The following CACHD1 variants were observed in gnomAD, a reference collection of about 807,000 sequenced individuals.
CACHD1 encodes VWFA and cache domain-containing protein 1.
In CACHD1, 71 loss-of-function variants were observed where a neutral mutation model predicts 138.7. The observed-to-expected ratio is 0.51, with a 90% confidence interval of 0.42 to 0.62. CACHD1 has a LOEUF of 0.62. Ranked by LOEUF, CACHD1 falls within the 20% of genes least tolerant of loss-of-function variation. The pLI is 0.00. For missense variants in CACHD1, 1,389 were observed against 1,625.3 expected, an observed-to-expected ratio of 0.85 and a Z score of 2.50; for synonymous variants, 578 against 591.5, an observed-to-expected ratio of 0.98 and a Z score of 0.33.
intron 4 of CACHD1, among the ~76,000 whole-genome samples, chr1:64,613,771 T>C (rs1401134013): frequency 6.6e-6 from 1 of 152,192 alleles, no homozygotes; most frequent in Non-Finnish European, 1.5e-5. Context: ...CCACATATCC[T>C]CTCTTACCAT....
intron 3 of CACHD1, among the ~76,000 whole-genome samples, chr1:64,601,219 G>A (rs1431253388): frequency 6.6e-6 from 1 of 152,196 alleles, no homozygotes; most frequent in East Asian, 1.9e-4. Flanking sequence ...GGCCCACAAA[G>A]CCTAAACTAT....
intron 3 of CACHD1, among the ~76,000 whole-genome samples, chr1:64,597,534 T>G (rs1395404645): frequency 2.7e-5 from 4 of 147,410 alleles, no homozygotes; most frequent in East Asian, 2.0e-4. Context: ...GTTTTTTTTT[T>G]TTTTTTTTTT....
At chr1:64,531,521 G>C (rs1403708836) in intron 1 of CACHD1, among the ~76,000 whole-genome samples, 1 of 151,954 alleles carries the variant, frequency 6.6e-6, no homozygotes, top group African/African-American at 2.4e-5. Flanking sequence ...GTGTGTGTGT[G>C]TGTGTGTGTC....
intron 1 of CACHD1, among the ~76,000 whole-genome samples, chr1:64,522,297 T>G (rs1646503821): frequency 7.7e-6 from 1 of 129,176 alleles, no homozygotes; most frequent in Admixed American, 9.3e-5. Flanking sequence ...TCTTTTCCTC[T>G]CAACCCCCAC....
chr1:64,637,543 C>T (rs1401486023), intron 7 of CACHD1, among the ~76,000 whole-genome samples: 1 of 152,218 alleles, frequency 6.6e-6, no homozygotes, highest in Non-Finnish European at 1.5e-5. Flanking sequence ...CTGCACTGCA[C>T]ATGAGCAGGA....
At position 64,550,590 on chromosome 1, in the gene CACHD1, G is replaced by A. The variant is rs762548622; in HGVS notation, c.199-4G>A. 6.2e-7 allele frequency: 1 copy of A among 1,605,956 alleles called. No individual in the cohort carries two copies. Among genetic ancestry groups the A allele is most frequent in the Non-Finnish European group, 8.5e-7 (1 of 1,173,168 alleles). On this transcript the variant is annotated splice_region_variant and splice_polypyrimidine_tract_variant and intron_variant, in intron 1 of 26. Coordinates refer to ENST00000651257, the MANE Select transcript of CACHD1 (RefSeq NM_020925.4). ...ATCTCATGTTCATTTTCTTTTCATT[G>A]CAGCGGATATTCAACTCCTTTGTTT...
chr1:64,634,847 T>A (rs1282326862), intron 7 of CACHD1, among the ~76,000 whole-genome samples: 2 of 151,422 alleles, frequency 1.3e-5, no homozygotes, highest in African/African-American at 4.9e-5. Flanking sequence ...ACAAAAAAAA[T>A]TAGGCAGGCA....
chr1:64,679,575 T>C lies in CACHD1; in HGVS notation c.3245-20T>C. The C allele has an allele frequency of 6.2e-7, 1 of 1,612,648 alleles. No individual in the cohort carries two copies. Among genetic ancestry groups the C allele is most frequent in the Non-Finnish European group, 8.5e-7 (1 of 1,179,186 alleles). On this transcript the variant is annotated intron_variant, in intron 23 of 26. Transcript: ENST00000651257. The stretch of plus-strand genomic sequence containing the variant: ...TTGGGAAATCTTAACAAGAAACATC[T>C]TCTTGCTCTTTCACTGAAGGTGATG...
intron 1 of CACHD1, among the ~76,000 whole-genome samples, chr1:64,489,140 T>C (rs980686221): frequency 6.6e-6 from 1 of 152,240 alleles, no homozygotes; most frequent in East Asian, 1.9e-4. Flanking sequence ...TTCTTATTTA[T>C]GGCATTTTTA....
chr1:64,550,715 C>T lies in CACHD1; in HGVS notation c.261+59C>T, dbSNP rs191931091. 3.8e-5 allele frequency: 45 copies of T among 1,188,558 alleles called. No individual in the cohort carries two copies. The Middle Eastern group carries it at 5.8e-4, about 15-fold the overall frequency. The allele number at this position is 1,188,558 out of a possible 1,614,324, so 73.6% of individuals were successfully genotyped here. On this transcript the variant is annotated intron_variant, in intron 2 of 26. Transcript: ENST00000651257. ...TTTGTCTTGCTTTTAGATGTGGCTT[C>T]GTCACTCTTTCCAAGCAATCTCCAC...
chr1:64,526,349 C>G (rs1004593694), intron 1 of CACHD1, among the ~76,000 whole-genome samples: 13 of 152,066 alleles, frequency 8.5e-5, no homozygotes, highest in African/African-American at 3.1e-4. Flanking sequence ...AAAAATGATT[C>G]ATGTCTACCC....
chr1:64,686,851 A>G (rs558765009), intron 26 of CACHD1, among the ~76,000 whole-genome samples: 3 of 152,294 alleles, frequency 2.0e-5, no homozygotes, highest in African/African-American at 7.2e-5. Flanking sequence ...CCTGGTCAAA[A>G]AACTTTGTAG....
chr1:64,518,832 T>C (rs900319700), intron 1 of CACHD1, among the ~76,000 whole-genome samples: 11 of 152,090 alleles, frequency 7.2e-5, no homozygotes, highest in Non-Finnish European at 7.4e-5. Context: ...GCATGCCTAG[T>C]GTGGGTATTT....
chr1:64,653,246 G>A (rs1019310048), intron 10 of CACHD1, among the ~76,000 whole-genome samples: 3 of 152,028 alleles, frequency 2.0e-5, no homozygotes, highest in African/African-American at 7.3e-5. Flanking sequence ...AAAGCGGGAC[G>A]AGGGAGAGGA....
chr1:64,596,288 G>A (rs1330238958), intron 3 of CACHD1, among the ~76,000 whole-genome samples: 1 of 152,224 alleles, frequency 6.6e-6, no homozygotes, highest in East Asian at 1.9e-4. Flanking sequence ...TTAAGTGGAC[G>A]ATAAGGAGGT....
intron 8 of CACHD1, among the ~76,000 whole-genome samples, chr1:64,647,474 T>C (rs528593042): frequency 3.9e-5 from 6 of 152,314 alleles, no homozygotes; most frequent in Admixed American, 6.5e-5. Context: ...AAATATTAAA[T>C]GCAGAAAATG....
At chr1:64,618,402 A>G (rs1647789701) in intron 4 of CACHD1, among the ~76,000 whole-genome samples, 1 of 152,078 alleles carries the variant, frequency 6.6e-6, no homozygotes, top group Non-Finnish European at 1.5e-5. Flanking sequence ...CAGGCTAACT[A>G]CACTTCCTTC....
At chr1:64,619,344 G>A (rs1017218248) in intron 4 of CACHD1, among the ~76,000 whole-genome samples, 3 of 152,138 alleles carry the variant, frequency 2.0e-5, no homozygotes, top group Admixed American at 2.0e-4. Context: ...TGTGTGCTGT[G>A]GCTGAAGAAA....
chr1:64,665,551 A>G (rs541213134), intron 15 of CACHD1, among the ~76,000 whole-genome samples: 2 of 152,222 alleles, frequency 1.3e-5, no homozygotes, highest in African/African-American at 4.8e-5. Context: ...TTTTTAAAGT[A>G]AGAAGGAATT....
Sources: allele counts gnomAD v4.1 joint callset (sites outside exome capture counted in the v4.1 genomes callset), GRCh38; gene constraint gnomAD v4.1.1; transcripts MANE v1.5; gene names NCBI Gene and HGNC (gene_info 2026-07-23, HGNC 2026-07-21).